The following USP25 variants were observed in gnomAD, a reference collection of about 807,000 sequenced individuals.
USP25 encodes ubiquitin specific peptidase 25.
Under a neutral mutation model 158.5 loss-of-function variants are expected in USP25, and 85 were observed. The observed-to-expected ratio is 0.54, with a 90% confidence interval of 0.45 to 0.64. The LOEUF (loss-of-function observed/expected upper bound fraction) is 0.64, where lower values mean the gene tolerates loss of function less well. Ranked by LOEUF, USP25 falls within the 30% of genes least tolerant of loss-of-function variation. The pLI, the probability that USP25 is intolerant of heterozygous loss-of-function variation, is 0.00. For synonymous variants in USP25, 464 were observed against 460.4 expected (o/e 1.01, Z -0.10); for missense variants, 1,242 against 1,327.3 (o/e 0.94, Z 1.00).
At chr21:15,757,345 C>T (rs374094438) in intron 1 of USP25, among the ~76,000 whole-genome samples, 79 of 152,264 alleles carry the variant, frequency 5.2e-4, no homozygotes, top group Non-Finnish European at 6.0e-4. Flanking sequence ...TCCCCGATCA[C>T]CAGTTCTTTT....
At chr21:15,797,789 C>G (rs1464767482) in intron 5 of USP25, among the ~76,000 whole-genome samples, 1 of 151,162 alleles carries the variant, frequency 6.6e-6, no homozygotes, top group Non-Finnish European at 1.5e-5. Context: ...GTTTCAGTTA[C>G]CTGCTGTTAA....
At chr21:15,805,994 C>G (rs2036369026) in intron 7 of USP25, among the ~76,000 whole-genome samples, 1 of 152,194 alleles carries the variant, frequency 6.6e-6, no homozygotes, top group Non-Finnish European at 1.5e-5. Flanking sequence ...CTGAGATTCT[C>G]TCACCATCTT....
In USP25 at chr21:15,877,958, C is replaced by T. The variant is rs1263307169; in HGVS notation, c.3172C>T (p.Arg1058Ter). Reference protein sequence around the residue: ...DILAVEDMRNRWCSYLGQEME... With the variant: ...DILAVEDMRN The stretch of plus-strand genomic sequence containing the variant: ...ACTAGCTGTAGAAGATATGAGAAAT[C>T]GATGGTGTTCCTACCTTGGTCAAGA... Residue 1058 changes from arginine to a stop codon, truncating the protein, a stop_gained, in exon 25 of 26, where the codon CGA becomes TGA. Transcript: ENST00000400183. LOFTEE classifies it high-confidence loss of function. The T allele has an allele frequency of 1.9e-6, 3 of 1,612,448 alleles. No individual in the cohort carries two copies. Among genetic ancestry groups the T allele is most frequent in the East Asian group, 2.2e-5 (1 of 44,822 alleles).
rs189338488 is a variant in USP25 at position 15,852,615 on chromosome 21, A to C, written c.2547+2743A>C. ...TAGTCGGAGATGAAAAATGAGAAAA[A>C]TGAATGTGCCATATCTGTGTCAAGG... is the stretch of plus-strand genomic sequence containing the variant. On this transcript the variant is annotated intron_variant, in intron 20 of 25. Coordinates refer to ENST00000400183, the MANE Select transcript of USP25 (RefSeq NM_001283041.3). Among the ~76,000 whole-genome samples the C allele has an allele frequency of 8.1e-4, 123 of 152,256 alleles. 3 individuals carry two copies. The highest frequency in any genetic ancestry group is 7.1e-3 in the Admixed American group (109 of 15,304).
chr21:15,805,089 GTGTTTT>G (rs768066255), intron 6 of USP25, 26 bp from the exon 7 acceptor site: 7 of 1,550,718 alleles, frequency 4.5e-6, no homozygotes, highest in Admixed American at 4.4e-5. Flanking sequence ...TTCAGTTAAG[GTGTTTT>G]TGTTTTTGTT....
chr21:15,861,784 A>G (rs1474088145), intron 20 of USP25, among the ~76,000 whole-genome samples: 1 of 152,166 alleles, frequency 6.6e-6, no homozygotes, highest in African/African-American at 2.4e-5. Flanking sequence ...TATAAAAAAT[A>G]GTTAAGAATT....
Position 15,864,252 on chromosome 21 carries a change from T to C in USP25, c.2548-16T>C, listed in dbSNP as rs769166934. Reference sequence around the variant, plus strand: ...AAATAATTAACCAAAATTATCATTTTCATTGCATTTTCCAGGCAATTAAGT... The same window carrying C: ...AAATAATTAACCAAAATTATCATTTCCATTGCATTTTCCAGGCAATTAAGT... On this transcript the variant is annotated splice_polypyrimidine_tract_variant and intron_variant, in intron 20 of 25. Transcript: ENST00000400183. The C allele has an allele frequency of 2.5e-6, 4 of 1,590,988 alleles. No homozygotes were observed. In the East Asian group the frequency reaches 6.7e-5, roughly 27 times the overall value.
chr21:15,789,765 C>T (rs1322705244), intron 4 of USP25, among the ~76,000 whole-genome samples: 1 of 151,922 alleles, frequency 6.6e-6, no homozygotes, highest in African/African-American at 2.4e-5. Context: ...TTTGCTGTAT[C>T]TCAACGTCTA....
intron 3 of USP25, among the ~76,000 whole-genome samples, chr21:15,776,017 CTACTT>C (rs1355132668): frequency 2.6e-5 from 4 of 152,228 alleles, no homozygotes; most frequent in Admixed American, 2.6e-4. Flanking sequence ...TATCCTTTCT[CTACTT>C]AGACCTAAGT....
rs35849786 is a variant in USP25, at chr21:15,808,546, TTGTGTGTGTG to T, written c.781-245_781-236del. On this transcript the variant is annotated intron_variant, in intron 7 of 25. Coordinates refer to ENST00000400183, the MANE Select transcript of USP25 (RefSeq NM_001283041.3). ...TCTCATTTGTAAGTTTGGTTTTTGATTGTGTGTGTGTGTGTGTGTGTGTGTGTATTTTAAA... is the reference window on the plus strand; with the variant it reads ...TCTCATTTGTAAGTTTGGTTTTTGATTGTGTGTGTGTGTGTGTATTTTAAA... 3.2e-3 allele frequency among the ~76,000 whole-genome samples: 470 copies of T among 148,478 alleles called. 2 individuals carry two copies. Among genetic ancestry groups the T allele is most frequent in the Middle Eastern group, 6.9e-3 (2 of 290 alleles).
chr21:15,847,732 G>A lies in USP25; in HGVS notation c.2407G>A (p.Gly803Arg), dbSNP rs1481583405. 1 of 1,549,978 alleles carries A rather than the reference G, an allele frequency of 6.5e-7. No homozygotes were observed. The highest frequency in any genetic ancestry group is 2.4e-5 in the East Asian group (1 of 40,912). Residue 803 changes from glycine to arginine, a missense_variant, in exon 19 of 26, where the codon GGG (glycine) becomes AGG (arginine). Gly to Arg is a moderately radical substitution (Grantham distance 125). This residue lies in a region of USP25 where 608 missense variants were observed against 605.2 expected (regional missense o/e 1.00). Transcript: ENST00000400183. ...RVVEVAIPHV[G>R]KFMIESKEGG... is the part of the protein sequence containing the mutation. ...TGTAGAGGTGGCGATCCCTCATGTA[G>A]GGAAATTTATGATTGAATCAAAGGA...
At chr21:15,772,223 T>C (rs532419383) in intron 3 of USP25, among the ~76,000 whole-genome samples, 25 of 152,182 alleles carry the variant, frequency 1.6e-4, no homozygotes, top group Non-Finnish European at 2.6e-4. Context: ...AGCAGAGAAA[T>C]GTTTGGTAGT....
chr21:15,866,945 T>C (rs1000057539), intron 22 of USP25, among the ~76,000 whole-genome samples: 1 of 152,144 alleles, frequency 6.6e-6, no homozygotes, highest in African/African-American at 2.4e-5. Context: ...AACTGTACCC[T>C]GTGGGCTGTA....
chr21:15,741,131 A>G (rs13347185), intron 1 of USP25, among the ~76,000 whole-genome samples: 23,525 of 150,260 alleles, frequency 0.16, 3,822 homozygotes, highest in African/African-American at 0.42. Flanking sequence ...GTTTATACCA[A>G]ATTTTTTTTT....
At chr21:15,733,636 C>T (rs1356483832) in intron 1 of USP25, among the ~76,000 whole-genome samples, 1 of 151,962 alleles carries the variant, frequency 6.6e-6, no homozygotes, top group African/African-American at 2.4e-5. Flanking sequence ...GTCAGGAGTT[C>T]GAGACCAGCC....
chr21:15,794,854 AG>A (rs1380648002), intron 5 of USP25, among the ~76,000 whole-genome samples: 3 of 151,614 alleles, frequency 2.0e-5, no homozygotes, highest in Non-Finnish European at 4.4e-5. Flanking sequence ...TAGCCCATCA[AG>A]TAATTATTGC....
intron 3 of USP25, among the ~76,000 whole-genome samples, chr21:15,771,641 G>A (rs1233523774): frequency 6.6e-6 from 1 of 151,832 alleles, no homozygotes; most frequent in Non-Finnish European, 1.5e-5. Flanking sequence ...CTTTCTTAAG[G>A]GTATTTCCAT....
intron 18 of USP25, among the ~76,000 whole-genome samples, chr21:15,846,483 AG>A (rs1456147588): frequency 6.6e-6 from 1 of 151,990 alleles, no homozygotes; most frequent in Admixed American, 6.6e-5. Flanking sequence ...TTATTTTAAA[AG>A]GGGCAGTACC....
At chr21:15,822,488 C>T (rs2037284612) in intron 10 of USP25, among the ~76,000 whole-genome samples, 2 of 151,870 alleles carry the variant, frequency 1.3e-5, no homozygotes, top group African/African-American at 4.8e-5. Flanking sequence ...CATTTCATTT[C>T]TTGTGGCCAT....
Sources: allele counts gnomAD v4.1 joint callset (sites outside exome capture counted in the v4.1 genomes callset), GRCh38; gene constraint gnomAD v4.1.1; regional missense constraint gnomAD v4.1.1; transcripts MANE v1.5; gene names NCBI Gene and HGNC (gene_info 2026-07-23, HGNC 2026-07-21).